TMPRSS7: variants seen among roughly 807,000 people sequenced by gnomAD.
TMPRSS7 encodes the protein transmembrane serine protease 7.
TMPRSS7 carries 81 observed loss-of-function variants against 95.6 expected under a neutral mutation model. The observed-to-expected ratio is 0.85, with a 90% CI of 0.71 to 1.02. The LOEUF is 1.02. TMPRSS7 is among the 50% of genes least tolerant of loss of function. The pLI, the probability that TMPRSS7 is intolerant of heterozygous loss-of-function variation, is 0.00. For missense variants in TMPRSS7, 945 were observed against 955.2 expected (o/e 0.99, Z 0.14); for synonymous variants, 364 against 337.8 (o/e 1.08, Z -0.85).
Position 112,046,958 on chromosome 3 carries a change from T to G in TMPRSS7, c.692-16T>G. The G allele has an allele frequency of 1.4e-6, 1 of 702,684 alleles. No individual in the cohort carries two copies. The allele number at this position is 702,684 out of a possible 1,614,324, so 43.5% of individuals were successfully genotyped here. A position where few individuals can be genotyped will look rare whatever the true frequency, so the allele number is the denominator to read the frequency against. On this transcript the variant is annotated splice_polypyrimidine_tract_variant and intron_variant, in intron 5 of 17. Transcript: ENST00000452346. Reference sequence around the variant, plus strand: ...TGATAGGATTCAATCTCTTCTCATGTGCTTTTTCAATGCAGCTGGGCTTCG... The same window carrying G: ...TGATAGGATTCAATCTCTTCTCATGGGCTTTTTCAATGCAGCTGGGCTTCG...
chr3:112,071,001 G>A (rs1046249450), intron 13 of TMPRSS7, among the ~76,000 whole-genome samples: 15 of 152,234 alleles, frequency 9.9e-5, no homozygotes, highest in African/African-American at 2.9e-4. Flanking sequence ...ATGTTAGCTG[G>A]TCATTTTGCC....
chr3:112,049,568 A>T (rs1485180369), intron 7 of TMPRSS7, among the ~76,000 whole-genome samples: 1 of 152,142 alleles, frequency 6.6e-6, no homozygotes. Flanking sequence ...TAGATACACT[A>T]CTTTTATGCC....
intron 16 of TMPRSS7, among the ~76,000 whole-genome samples, chr3:112,078,476 A>AT (rs755265501): frequency 6.6e-6 from 1 of 152,218 alleles, no homozygotes; most frequent in Non-Finnish European, 1.5e-5. Flanking sequence ...ATGGTGAGGA[A>AT]TATGGCACAG....
At chr3:112,070,587 C>T (rs1269890067) in intron 13 of TMPRSS7, among the ~76,000 whole-genome samples, 1 of 152,012 alleles carries the variant, frequency 6.6e-6, no homozygotes, top group Non-Finnish European at 1.5e-5. Flanking sequence ...ATGTAATGGC[C>T]CTCTTTGTCT....
intron 1 of TMPRSS7, among the ~76,000 whole-genome samples, chr3:112,037,116 G>T (rs959506747): frequency 2.6e-5 from 4 of 152,158 alleles, no homozygotes; most frequent in Non-Finnish European, 5.9e-5. Flanking sequence ...AAAAAGAACA[G>T]GATAACAGCA....
chr3:112,063,531 C>G (rs374013626), exon 12 of TMPRSS7: 34 of 1,613,714 alleles, frequency 2.1e-5, no homozygotes, highest in Non-Finnish European at 2.8e-5. Flanking sequence ...ATAGCCTGCC[C>G]TGTTGGATCT....
chr3:112,056,928 C>G lies in TMPRSS7; in HGVS notation c.1204-97C>G, dbSNP rs77742478. ...GTTTACCCCACTAAGGGCCACAGGG[C>G]GCAAGTAGAATGGCCTTAAAACAAC... On this transcript the variant is annotated intron_variant, in intron 9 of 17. Coordinates refer to ENST00000452346, the Ensembl canonical transcript of TMPRSS7. 3.1e-3 allele frequency: 2,425 copies of G among 774,964 alleles called. 14 individuals carry two copies. Among genetic ancestry groups the G allele is most frequent in the South Asian group, 5.1e-3 (283 of 55,836 alleles). The allele number at this position is 774,964 out of a possible 1,614,324, so 48.0% of individuals were successfully genotyped here. A position where few individuals can be genotyped will look rare whatever the true frequency, so the allele number is the denominator to read the frequency against.
intron 16 of TMPRSS7, among the ~76,000 whole-genome samples, 182 bp from the exon 17 acceptor site, chr3:112,078,560 C>T (rs543573222): frequency 8.5e-5 from 13 of 152,200 alleles, no homozygotes; most frequent in African/African-American, 3.1e-4. Context: ...CTGGGCAAGC[C>T]CTTTAATCTC....
chr3:112,047,313 T>C (rs1318436211), intron 6 of TMPRSS7: 5 of 610,086 alleles, frequency 8.2e-6, no homozygotes, highest in Middle Eastern at 2.5e-4. Flanking sequence ...ACTGTATTTG[T>C]AACAAGGACC....
rs746317746 is a variant in TMPRSS7 at position 112,057,003 on chromosome 3, G to T, written c.1204-22G>T. ...TACTTTGATTGAAGCATTTTTTTCT[G>T]ACTTAATGTTTATTTTCACAGACTT... On this transcript the variant is annotated intron_variant, in intron 9 of 17. Transcript: ENST00000452346. 8 of 1,522,118 alleles carry T rather than the reference G, an allele frequency of 5.3e-6. No individual in the cohort carries two copies. The Admixed American group carries it at 9.0e-5, about 17-fold the overall frequency. 94.3% of individuals were successfully genotyped at this position (1,522,118 alleles called of 1,614,324 possible). A position where few individuals can be genotyped will look rare whatever the true frequency, so the allele number is the denominator to read the frequency against.
rs992079982 is a variant in TMPRSS7, at chr3:112,063,642, C to T, written c.1555+10C>T. On this transcript the variant is annotated intron_variant, in intron 12 of 17. Coordinates refer to ENST00000452346, the Ensembl canonical transcript of TMPRSS7. ...GATGAACTGTTTTGCGGTGGGTATT[C>T]AAGATTTTAATATGACTTTCTTATG... 6.2e-7 allele frequency: 1 copy of T among 1,606,046 alleles called. No homozygotes were observed. The highest frequency in any genetic ancestry group is 2.2e-5 in the East Asian group (1 of 44,844).
exon 8 of TMPRSS7, chr3:112,049,892 T>G (rs975745284): frequency 1.3e-6 from 2 of 1,558,896 alleles, no homozygotes; most frequent in Admixed American, 3.4e-5. Flanking sequence ...CTACAAATAA[T>G]CTCATGTTGG....
At chr3:112,041,578 ATTCCTT>A (rs2073209350) in intron 2 of TMPRSS7, among the ~76,000 whole-genome samples, 2 of 152,176 alleles carry the variant, frequency 1.3e-5, no homozygotes, top group Admixed American at 6.5e-5. Context: ...ATTACCATTT[ATTCCTT>A]CAGAGAGCCC....
intron 7 of TMPRSS7, 79 bp downstream of exon 7, chr3:112,048,046 ATT>A: frequency 7.1e-7 from 1 of 1,405,268 alleles, no homozygotes; most frequent in Non-Finnish European, 9.8e-7. Context: ...TTCCCCCTGG[ATT>A]TTTTTTTAAA....
At chr3:112,041,609 G>T (rs1207075649) in intron 2 of TMPRSS7, among the ~76,000 whole-genome samples, 2 of 152,136 alleles carry the variant, frequency 1.3e-5, no homozygotes, top group Admixed American at 6.5e-5. Context: ...AGGAGACAGA[G>T]AGAAATTATG....
intron 13 of TMPRSS7, among the ~76,000 whole-genome samples, chr3:112,073,789 G>A (rs953001790): frequency 1.3e-5 from 2 of 152,180 alleles, no homozygotes; most frequent in Non-Finnish European, 2.9e-5. Context: ...CAGAGGACCT[G>A]ATGTAGAGGA....
rs571614767 is a variant in TMPRSS7 at position 112,052,364 on chromosome 3, A to AT, written c.1203+1591dup. On this transcript the variant is annotated intron_variant, in intron 9 of 17. Coordinates refer to ENST00000452346, the Ensembl canonical transcript of TMPRSS7. ...TGAGGCAGGAGGGTGCTTGATGCAT[A>AT]TTTTTTTTTTGTGCATAGTCATAAT... is the stretch of plus-strand genomic sequence containing the variant. 5.8e-4 allele frequency among the ~76,000 whole-genome samples: 86 copies of AT among 149,158 alleles called. No individual in the cohort carries two copies. In the East Asian group the frequency reaches 6.1e-3, roughly 11 times the overall value.
rs755098043 is a variant in TMPRSS7, at chr3:112,063,651, AAT to A, written c.1555+22_1555+23del. On this transcript the variant is annotated intron_variant, in intron 12 of 17. Coordinates refer to ENST00000452346, the Ensembl canonical transcript of TMPRSS7. ...TTTTGCGGTGGGTATTCAAGATTTT[AAT>A]ATGACTTTCTTATGAATAAGTAACT... 1.9e-6 allele frequency: 3 copies of A among 1,585,032 alleles called. No homozygotes were observed. The Admixed American group carries it at 5.0e-5, about 26-fold the overall frequency.
intron 4 of TMPRSS7, among the ~76,000 whole-genome samples, chr3:112,045,158 T>C (rs75312806): frequency 6.6e-6 from 1 of 152,202 alleles, no homozygotes; most frequent in Non-Finnish European, 1.5e-5. Flanking sequence ...TAATTTTTTT[T>C]CTTTTTTGAG....
Sources: gnomAD v4.1 joint callset for allele counts (sites outside exome capture counted in the v4.1 genomes callset) on GRCh38, gnomAD v4.1.1 for gene constraint, MANE v1.5 for transcripts, NCBI Gene and HGNC (gene_info 2026-07-23, HGNC 2026-07-21) for gene names.